Variants in FRMD5 observed in about 807,000 individuals in gnomAD.
FRMD5 encodes the protein FERM domain-containing protein 5.
FRMD5 carries 20 observed loss-of-function variants against 69.0 expected under a neutral mutation model. The observed-to-expected ratio is 0.29, with a 90% CI of 0.20 to 0.42. FRMD5 has a LOEUF of 0.42. FRMD5 is among the 10% of genes least tolerant of loss of function. The pLI, the probability that FRMD5 is intolerant of heterozygous loss-of-function variation, is 1.00. For synonymous variants in FRMD5, 271 were observed against 260.1 expected (o/e 1.04, Z -0.40); for missense variants, 595 against 708.6 (o/e 0.84, Z 1.82).
At chr15:44,031,707 C>T (rs1043947852) in intron 1 of FRMD5, among the ~76,000 whole-genome samples, 1 of 152,106 alleles carries the variant, frequency 6.6e-6, no homozygotes. Flanking sequence ...AATGTTAACC[C>T]CTTTTGGTCC....
chr15:43,914,268 G>A (rs1365482621), intron 4 of FRMD5, among the ~76,000 whole-genome samples: 1 of 152,152 alleles, frequency 6.6e-6, no homozygotes, highest in Non-Finnish European at 1.5e-5. Context: ...GTTTTTTCCA[G>A]AAGATCCTTT....
rs185855633 is a variant in FRMD5 at position 43,897,953 on chromosome 15, C to T, written c.639+4222G>A. Among the ~76,000 whole-genome samples the T allele has an allele frequency of 8.3e-4, 127 of 152,166 alleles. 2 individuals are homozygous for T. The highest frequency in any genetic ancestry group is 2.8e-3 in the African/African-American group (116 of 41,446). ...TTTCCTGCTGCCATGTAAGACATGC[C>T]TGCTTCCCCTTCCGCTATGATTGTA... is the stretch of plus-strand genomic sequence containing the variant. On this transcript the variant is annotated intron_variant, in intron 7 of 13. Transcript: ENST00000417257.
chr15:44,174,897 C>A (rs1301401832), intron 1 of FRMD5, among the ~76,000 whole-genome samples: 1 of 151,936 alleles, frequency 6.6e-6, no homozygotes, highest in African/African-American at 2.4e-5. Flanking sequence ...CACACCGGGG[C>A]CTGTTGGGGG....
chr15:44,170,839 T>C (rs935247012), intron 1 of FRMD5, among the ~76,000 whole-genome samples: 3 of 152,244 alleles, frequency 2.0e-5, no homozygotes, highest in African/African-American at 4.8e-5. Flanking sequence ...TTGAGTTATA[T>C]ATTACTTTAA....
intron 1 of FRMD5, among the ~76,000 whole-genome samples, chr15:44,068,689 T>C (rs1209935153): frequency 6.6e-6 from 1 of 152,192 alleles, no homozygotes; most frequent in Non-Finnish European, 1.5e-5. Context: ...GTGATGTTTG[T>C]ACAACTTTAT....
intron 1 of FRMD5, among the ~76,000 whole-genome samples, chr15:44,060,164 A>T (rs1025365504): frequency 6.6e-6 from 1 of 152,248 alleles, no homozygotes; most frequent in African/African-American, 2.4e-5. Context: ...ACACTGGCAC[A>T]TAAGAAAGCC....
At chr15:44,189,329 T>C (rs753062792) in intron 1 of FRMD5, among the ~76,000 whole-genome samples, 22 of 152,152 alleles carry the variant, frequency 1.4e-4, no homozygotes, top group Admixed American at 2.6e-4. Flanking sequence ...GAAGATCACA[T>C]GTTGACCTTG....
At chr15:43,924,378 G>A in intron 1 of FRMD5, 69 bp from the exon 2 acceptor site, 1 of 1,047,838 alleles carries the variant, frequency 9.5e-7, no homozygotes, top group Non-Finnish European at 1.5e-6. Flanking sequence ...TTTTTTTATA[G>A]CCATTAAAAG....
chr15:43,882,039 G>A (rs2088542856), intron 13 of FRMD5, among the ~76,000 whole-genome samples: 2 of 152,182 alleles, frequency 1.3e-5, no homozygotes, highest in African/African-American at 2.4e-5. Flanking sequence ...TTCCCGCTGT[G>A]TGAGATTTCT....
intron 1 of FRMD5, among the ~76,000 whole-genome samples, chr15:43,951,453 T>C (rs533172289): frequency 1.3e-5 from 2 of 151,190 alleles, no homozygotes; most frequent in African/African-American, 4.9e-5. Context: ...AAATATATAA[T>C]AAATTGCTGT....
chr15:44,077,726 G>C (rs903803156), intron 1 of FRMD5, among the ~76,000 whole-genome samples: 1 of 151,994 alleles, frequency 6.6e-6, no homozygotes, highest in African/African-American at 2.4e-5. Flanking sequence ...AGCCAGAAAA[G>C]TTCCTTCAAA....
intron 1 of FRMD5, among the ~76,000 whole-genome samples, chr15:44,041,081 A>G (rs1018381479): frequency 6.7e-6 from 1 of 148,740 alleles, no homozygotes; most frequent in African/African-American, 2.4e-5. Context: ...TTAAATCAAC[A>G]AAGACCAAAA....
chr15:43,899,356 G>A (rs1328913547), intron 7 of FRMD5, among the ~76,000 whole-genome samples: 1 of 152,142 alleles, frequency 6.6e-6, no homozygotes, highest in African/African-American at 2.4e-5. Context: ...GTGAGGAAGA[G>A]GCACAGGGCT....
chr15:43,941,061 T>C (rs2089853970), intron 1 of FRMD5, among the ~76,000 whole-genome samples: 1 of 152,194 alleles, frequency 6.6e-6, no homozygotes, highest in African/African-American at 2.4e-5. Flanking sequence ...TTGAAGTCAA[T>C]TATCAAAGCA....
intron 1 of FRMD5, among the ~76,000 whole-genome samples, chr15:44,124,142 A>G (rs1157263560): frequency 1.3e-5 from 2 of 151,798 alleles, no homozygotes; most frequent in African/African-American, 4.8e-5. Context: ...ACAAGCACTC[A>G]CCACCATGCC....
intron 1 of FRMD5, among the ~76,000 whole-genome samples, chr15:43,970,631 A>G (rs895726500): frequency 6.6e-6 from 1 of 152,030 alleles, no homozygotes; most frequent in African/African-American, 2.4e-5. Context: ...ATTCTTTTGT[A>G]CTTTTAGTAG....
At chr15:44,036,140 C>G (rs1891899785) in intron 1 of FRMD5, among the ~76,000 whole-genome samples, 1 of 152,130 alleles carries the variant, frequency 6.6e-6, no homozygotes, top group South Asian at 2.1e-4. Flanking sequence ...TCAACAGGAT[C>G]AAAACAAGAC....
chr15:44,070,525 A>C (rs1486845421), intron 1 of FRMD5, among the ~76,000 whole-genome samples: 1 of 152,178 alleles, frequency 6.6e-6, no homozygotes, highest in African/African-American at 2.4e-5. Context: ...CCAGATTTGA[A>C]TCTCACCTCA....
chr15:44,162,129 T>C (rs2077626348), intron 1 of FRMD5, among the ~76,000 whole-genome samples: 1 of 152,112 alleles, frequency 6.6e-6, no homozygotes, highest in South Asian at 2.1e-4. Context: ...CACACTCGGC[T>C]AATTTTTGTA....
Sources: allele counts gnomAD v4.1 joint callset (sites outside exome capture counted in the v4.1 genomes callset), GRCh38; gene constraint gnomAD v4.1.1; transcripts MANE v1.5; gene names NCBI Gene and HGNC (gene_info 2026-07-23, HGNC 2026-07-21).